The following TCERG1L variants were observed in gnomAD, a reference collection of about 807,000 sequenced individuals.
The protein encoded by TCERG1L is transcription elongation regulator 1-like protein.
TCERG1L carries 37 observed loss-of-function variants against 56.3 expected under a neutral mutation model. The observed-to-expected ratio is 0.66, with a 90% confidence interval of 0.51 to 0.87. TCERG1L has a LOEUF of 0.87. TCERG1L is among the 40% of genes least tolerant of loss of function. TCERG1L has a pLI of 0.00. For synonymous variants in TCERG1L, 324 were observed against 326.3 expected (o/e 0.99, Z 0.08); for missense variants, 799 against 774.2 (o/e 1.03, Z -0.38).
chr10:131,241,049 C>T (rs1032378130), intron 4 of TCERG1L, among the ~76,000 whole-genome samples: 4 of 152,124 alleles, frequency 2.6e-5, no homozygotes, highest in African/African-American at 9.7e-5. Context: ...GCAGCAAGAG[C>T]GGAAGATTGA....
At chr10:131,117,164 G>C (rs1033397294) in intron 8 of TCERG1L, among the ~76,000 whole-genome samples, 2 of 152,100 alleles carry the variant, frequency 1.3e-5, no homozygotes, top group Admixed American at 6.5e-5. Context: ...CCCCAGCCCC[G>C]GGCCCGGCTG....
In TCERG1L at chr10:131,166,863, T is replaced by C; in HGVS notation, c.879A>G (p.Arg293=). Residue 293 remains arginine, a synonymous_variant, in exon 5 of 12, where the codon CGA becomes CGG. Transcript: ENST00000368642. ...GCATCAGGGCAGGAGGGCGGGCCAC[T>C]CGGCCCCGCTCTGTCCTTGTATCTG... ...PVSDTRTERG[R]VARPPALMLR... 1 of 1,612,932 alleles carries C rather than the reference T, an allele frequency of 6.2e-7. No homozygotes were observed. The highest frequency in any genetic ancestry group is 8.5e-7 in the Non-Finnish European group (1 of 1,179,866).
intron 3 of TCERG1L, among the ~76,000 whole-genome samples, chr10:131,297,142 A>T (rs1846703337): frequency 2.0e-5 from 3 of 152,154 alleles, no homozygotes; most frequent in Admixed American, 2.0e-4. Flanking sequence ...TTTTCATCTT[A>T]GAGGGAAAAC....
intron 3 of TCERG1L, among the ~76,000 whole-genome samples, chr10:131,280,325 C>G (rs1415615534): frequency 2.0e-5 from 3 of 151,478 alleles, no homozygotes; most frequent in Non-Finnish European, 4.4e-5. Context: ...TAAGCCATTC[C>G]CAGCTTGACT....
At chr10:131,246,678 G>A (rs984972178) in intron 4 of TCERG1L, among the ~76,000 whole-genome samples, 7 of 150,692 alleles carry the variant, frequency 4.6e-5, no homozygotes, top group South Asian at 4.3e-4. Flanking sequence ...CCAGAACTCC[G>A]GGATGACTCA....
rs145357917 is a variant in TCERG1L at position 131,149,637 on chromosome 10, G to A, written c.1035-2977C>T. The stretch of plus-strand genomic sequence containing the variant: ...GATGACCTGCTTCCCGGGTGGAGCT[G>A]TGAGTGAGTGGGCCACAGGCAGAGC... On this transcript the variant is annotated intron_variant, in intron 6 of 11. Transcript: ENST00000368642. Among the ~76,000 whole-genome samples, 366 of 152,326 alleles carry A rather than the reference G, an allele frequency of 2.4e-3. 2 individuals carry two copies. The South Asian group carries it at 0.028, about 12-fold the overall frequency.
intron 4 of TCERG1L, among the ~76,000 whole-genome samples, chr10:131,257,553 C>T (rs1336625390): frequency 6.6e-6 from 1 of 152,200 alleles, no homozygotes; most frequent in East Asian, 1.9e-4. Flanking sequence ...AGCCGGGTAT[C>T]CAGACAGGTT....
chr10:131,134,366 CA>C lies in TCERG1L; in HGVS notation c.1259+12del, dbSNP rs1171683180. The stretch of plus-strand genomic sequence containing the variant: ...TAGGGAAAGATCTGCTGGGGAAGAG[CA>C]CGGCCACCTACCGGTTCCTCTTGGT... On this transcript the variant is annotated intron_variant, in intron 8 of 11. Coordinates refer to ENST00000368642, the MANE Select transcript of TCERG1L (RefSeq NM_174937.4). 6.3e-7 allele frequency: 1 copy of C among 1,576,790 alleles called. No individual in the cohort carries two copies. The highest frequency in any genetic ancestry group is 1.2e-5 in the South Asian group (1 of 85,664).
intron 4 of TCERG1L, among the ~76,000 whole-genome samples, chr10:131,202,518 T>G (rs1589746164): frequency 6.6e-6 from 1 of 151,948 alleles, no homozygotes; most frequent in South Asian, 2.1e-4. Flanking sequence ...GAGGCGGAGG[T>G]TGCAGTAAGA....
intron 3 of TCERG1L, among the ~76,000 whole-genome samples, chr10:131,264,877 G>C (rs1451363907): frequency 6.6e-6 from 1 of 152,174 alleles, no homozygotes; most frequent in Non-Finnish European, 1.5e-5. Flanking sequence ...TTTTGTTCAG[G>C]GCTCCCTGAC....
intron 6 of TCERG1L, among the ~76,000 whole-genome samples, chr10:131,157,127 C>T (rs1386031494): frequency 1.3e-5 from 2 of 152,170 alleles, no homozygotes; most frequent in African/African-American, 4.8e-5. Flanking sequence ...CTTTTAACGA[C>T]TTTTGCCTCT....
intron 2 of TCERG1L, among the ~76,000 whole-genome samples, 166 bp from the exon 3 acceptor site, chr10:131,308,557 G>A (rs1846841443): frequency 6.6e-6 from 1 of 152,140 alleles, no homozygotes; most frequent in East Asian, 1.9e-4. Flanking sequence ...GTTCCACAGG[G>A]CTTCAATACC....
In TCERG1L at chr10:131,157,001, G is replaced by T. The variant is rs369423971; in HGVS notation, c.1034+6121C>A. On this transcript the variant is annotated intron_variant, in intron 6 of 11. Transcript: ENST00000368642. ...ATCTCTAGGCTGGTGTCTGCTCATA[G>T]CTCTTACCTCTTTAGGCAGAAATGC... 2.0e-4 allele frequency among the ~76,000 whole-genome samples: 31 copies of T among 152,256 alleles called. No individual in the cohort carries two copies. In the Middle Eastern group the frequency reaches 0.01, roughly 50 times the overall value.
intron 8 of TCERG1L, among the ~76,000 whole-genome samples, chr10:131,127,687 TCA>T (rs1262589942): frequency 1.3e-5 from 2 of 151,986 alleles, no homozygotes; most frequent in Non-Finnish European, 2.9e-5. Flanking sequence ...CCCGTCACAA[TCA>T]CAGACTCTAG....
chr10:131,246,512 T>C (rs1846039244), intron 4 of TCERG1L, among the ~76,000 whole-genome samples: 1 of 151,956 alleles, frequency 6.6e-6, no homozygotes, highest in Non-Finnish European at 1.5e-5. Context: ...TGCGGAAAGT[T>C]ATGATGAGAG....
At chr10:131,292,638 T>C (rs1487336620) in intron 3 of TCERG1L, among the ~76,000 whole-genome samples, 1 of 152,230 alleles carries the variant, frequency 6.6e-6, no homozygotes, top group Non-Finnish European at 1.5e-5. Flanking sequence ...ATTTTACCAC[T>C]GAAACCTGTG....
At chr10:131,202,054 A>G (rs1024951248) in intron 4 of TCERG1L, among the ~76,000 whole-genome samples, 2 of 152,220 alleles carry the variant, frequency 1.3e-5, no homozygotes, top group East Asian at 3.9e-4. Flanking sequence ...CTGCTGGGTT[A>G]AACAGACAAA....
At chr10:131,246,431 T>A (rs1314998811) in intron 4 of TCERG1L, among the ~76,000 whole-genome samples, 1 of 151,968 alleles carries the variant, frequency 6.6e-6, no homozygotes, top group Non-Finnish European at 1.5e-5. Flanking sequence ...TGGGACCCAG[T>A]GATGGAGGCT....
In TCERG1L at chr10:131,267,757, TG is replaced by T. The variant is rs1334547785; in HGVS notation, c.671-7314del. 6.6e-6 allele frequency among the ~76,000 whole-genome samples: 1 copy of T among 152,126 alleles called. No homozygotes were observed. The highest frequency in any genetic ancestry group is 1.5e-5 in the Non-Finnish European group (1 of 67,998). On this transcript the variant is annotated intron_variant, in intron 3 of 11. Transcript: ENST00000368642. The surrounding 1 kb of genome is among the most constrained non-coding windows in gnomAD (Gnocchi z 4.9). ...GGCACAGTTGGCTGCCTTGGGGACA[TG>T]GGGCACAGGGAACCCCACTGCTGCT... is the stretch of plus-strand genomic sequence containing the variant.
Sources: allele counts gnomAD v4.1 joint callset (sites outside exome capture counted in the v4.1 genomes callset), GRCh38; gene constraint gnomAD v4.1.1; non-coding constraint Gnocchi (gnomAD v3.1); transcripts MANE v1.5; gene names NCBI Gene and HGNC (gene_info 2026-07-23, HGNC 2026-07-21).